The following ARHGEF12 variants were observed in gnomAD, a reference collection of about 807,000 sequenced individuals.
ARHGEF12 encodes Rho guanine nucleotide exchange factor 12.
ARHGEF12 carries 66 observed loss-of-function variants against 211.2 expected under a neutral mutation model. The observed-to-expected ratio is 0.31, with a 90% CI of 0.26 to 0.38. The LOEUF (loss-of-function observed/expected upper bound fraction) is 0.38. ARHGEF12 is among the 10% of genes least tolerant of loss of function. ARHGEF12 has a pLI of 1.00. For missense variants in ARHGEF12, 1,429 were observed against 1,869.5 expected, an observed-to-expected ratio of 0.76 and a Z score of 4.34; for synonymous variants, 592 against 638.4, an observed-to-expected ratio of 0.93 and a Z score of 1.09.
At chr11:120,407,603 T>C in intron 2 of ARHGEF12, 135 bp from the exon 3 acceptor site, 1 of 563,356 alleles carries the variant, frequency 1.8e-6, no homozygotes, top group South Asian at 3.1e-5. Context: ...AAAATGTAAA[T>C]TAGAGAGGCT....
chr11:120,355,177 T>C (rs1015826793), intron 1 of ARHGEF12, among the ~76,000 whole-genome samples: 7 of 152,218 alleles, frequency 4.6e-5, no homozygotes, highest in African/African-American at 1.4e-4. Flanking sequence ...CGGTTCACAG[T>C]TGACAAACAT....
At chr11:120,405,986 A>G in intron 1 of ARHGEF12, 132 bp from the exon 2 acceptor site, 1 of 648,328 alleles carries the variant, frequency 1.5e-6, no homozygotes, top group Non-Finnish European at 2.6e-6. Context: ...CCTCCAGCTT[A>G]TTGATTCTTG....
At chr11:120,448,427 A>T in intron 20 of ARHGEF12, 79 bp downstream of exon 20, 1 of 1,023,262 alleles carries the variant, frequency 9.8e-7, no homozygotes. Flanking sequence ...CCATCATCTT[A>T]GTATTTACTT....
chr11:120,345,340 T>C (rs925826566), intron 1 of ARHGEF12, among the ~76,000 whole-genome samples: 2 of 152,194 alleles, frequency 1.3e-5, no homozygotes, highest in Non-Finnish European at 2.9e-5. Flanking sequence ...TTGAGATTAG[T>C]AACTGTACCA....
chr11:120,374,087 G>A (rs940786735), intron 1 of ARHGEF12, among the ~76,000 whole-genome samples: 7 of 152,112 alleles, frequency 4.6e-5, no homozygotes, highest in South Asian at 2.1e-4. Flanking sequence ...GATTACAGGC[G>A]TGAGCCACCG....
chr11:120,339,979 C>T (rs545770365), intron 1 of ARHGEF12, among the ~76,000 whole-genome samples: 3 of 152,270 alleles, frequency 2.0e-5, no homozygotes, highest in African/African-American at 7.2e-5. Context: ...TAAACTCAAA[C>T]TATGTTCATG....
At chr11:120,475,650 A>G in intron 33 of ARHGEF12, 143 bp downstream of exon 33, 1 of 870,220 alleles carries the variant, frequency 1.1e-6, no homozygotes, top group Non-Finnish European at 1.7e-6. Flanking sequence ...TTTACTGCTT[A>G]GAAAGAGACC....
rs371507639 is a variant in ARHGEF12, at chr11:120,457,171, C to A, written c.2110C>A (p.Pro704Thr). The A allele has an allele frequency of 6.2e-7, 1 of 1,614,056 alleles. No homozygotes were observed. Among genetic ancestry groups the A allele is most frequent in the Non-Finnish European group, 8.5e-7 (1 of 1,179,976 alleles). ...ACCTGGAGACACCTTAGATGGCACACCTCGTACTCTCAATACTGTCTTTGA... is the reference window on the plus strand; with the variant it reads ...ACCTGGAGACACCTTAGATGGCACAACTCGTACTCTCAATACTGTCTTTGA... ...SAPGDTLDGT[P>T]RTLNTVFDFP... The change falls in exon 23 of 41, where the codon CCT becomes ACT. Residue 704 changes from proline (P) to threonine (T), a missense_variant. Transcript: ENST00000397843.
chr11:120,428,445 C>T (rs527350577), intron 8 of ARHGEF12, among the ~76,000 whole-genome samples, 198 bp downstream of exon 8: 15 of 152,218 alleles, frequency 9.9e-5, no homozygotes, highest in Middle Eastern at 6.8e-3. Context: ...GTATTAGACA[C>T]CTGCCATATG....
intron 8 of ARHGEF12, among the ~76,000 whole-genome samples, chr11:120,429,237 G>T (rs1223339977): frequency 1.3e-5 from 2 of 152,200 alleles, no homozygotes; most frequent in African/African-American, 2.4e-5. Flanking sequence ...TAGTAAAAAT[G>T]AAATAGAAGG....
At position 120,477,642 on chromosome 11, in the gene ARHGEF12, A is replaced by G. The variant is rs558850547; in HGVS notation, c.3532+116A>G. On this transcript the variant is annotated intron_variant, in intron 36 of 40. Transcript: ENST00000397843. ...TGCTTTGGGAGGTCGAGATAGGCGT[A>G]TCACCTGAGGCCAGGAGTTAGAGGC... is the stretch of plus-strand genomic sequence containing the variant. 269 of 914,100 alleles carry G rather than the reference A, an allele frequency of 2.9e-4. 1 individual carries two copies. Among genetic ancestry groups the G allele is most frequent in the Non-Finnish European group, 3.0e-5 (18 of 601,964 alleles). 56.6% of individuals were successfully genotyped at this position (914,100 alleles called of 1,614,324 possible).
Position 120,364,816 on chromosome 11 carries a change from A to ATTTTT in ARHGEF12, c.32+27557_32+27561dup, listed in dbSNP as rs59126463. ...AAAAAGACTTCTAGGACATGTACCA[A>ATTTTT]TTTTTTTTTTTTTTTTTTTTGAGCC... On this transcript the variant is annotated intron_variant, in intron 1 of 40. Coordinates refer to ENST00000397843, the MANE Select transcript of ARHGEF12 (RefSeq NM_015313.3). Among the ~76,000 whole-genome samples, 63 of 132,446 alleles carry ATTTTT rather than the reference A, an allele frequency of 4.8e-4. 1 individual carries two copies. The highest frequency in any genetic ancestry group is 1.7e-3 in the African/African-American group (60 of 35,128). The allele number at this position is 132,446 out of a possible 152,430, so 86.9% of individuals were successfully genotyped here. A position where few individuals can be genotyped will look rare whatever the true frequency, so the allele number is the denominator to read the frequency against.
At chr11:120,375,823 C>G (rs1179697410) in intron 1 of ARHGEF12, among the ~76,000 whole-genome samples, 1 of 152,114 alleles carries the variant, frequency 6.6e-6, no homozygotes, top group Non-Finnish European at 1.5e-5. Context: ...TGTTCCTTAG[C>G]CTCCTCTTGG....
intron 1 of ARHGEF12, among the ~76,000 whole-genome samples, chr11:120,371,109 A>C (rs1242696281): frequency 6.6e-6 from 1 of 152,184 alleles, no homozygotes; most frequent in Non-Finnish European, 1.5e-5. Context: ...TTTTTTCCTA[A>C]TTAAAAATTC....
rs1440348464 is a variant in ARHGEF12, at chr11:120,488,859, A to C, written c.*3782A>C. 5.6e-5 allele frequency: 12 copies of C among 213,374 alleles called. No homozygotes were observed. The highest frequency in any genetic ancestry group is 1.1e-4 in the Non-Finnish European group (12 of 105,386). The allele number at this position is 213,374 out of a possible 1,614,324, so 13.2% of individuals were successfully genotyped here. A position where few individuals can be genotyped will look rare whatever the true frequency, so the allele number is the denominator to read the frequency against. On this transcript the variant is annotated 3_prime_UTR_variant, in exon 41 of 41. Transcript: ENST00000397843. ...GATCACATTTTGAAATGCCTAAAAG[A>C]CTTTATTGTTCTAATTATCCAGATG...
intron 22 of ARHGEF12, among the ~76,000 whole-genome samples, chr11:120,453,860 G>A (rs1243406280): frequency 6.6e-6 from 1 of 152,216 alleles, no homozygotes; most frequent in Non-Finnish European, 1.5e-5. Context: ...CATATGTTAT[G>A]CAGTGCAGGA....
chr11:120,359,731 A>G (rs1270099989), intron 1 of ARHGEF12, among the ~76,000 whole-genome samples: 3 of 152,212 alleles, frequency 2.0e-5, no homozygotes, highest in African/African-American at 4.8e-5. Flanking sequence ...GACAGTTAAT[A>G]TAGTATCTTG....
At chr11:120,398,448 G>A (rs565074335) in intron 1 of ARHGEF12, among the ~76,000 whole-genome samples, 101 of 152,262 alleles carry the variant, frequency 6.6e-4, no homozygotes, top group Middle Eastern at 3.4e-3. Flanking sequence ...AGCTTTTGTA[G>A]AAGCCAGTGT....
chr11:120,480,764 T>C (rs1442652794), intron 38 of ARHGEF12, among the ~76,000 whole-genome samples: 1 of 152,056 alleles, frequency 6.6e-6, no homozygotes, highest in Admixed American at 6.5e-5. Flanking sequence ...CGGAGAGTAA[T>C]GAAGGCAAAC....
Sources: allele counts gnomAD v4.1 joint callset (sites outside exome capture counted in the v4.1 genomes callset), GRCh38; gene constraint gnomAD v4.1.1; transcripts MANE v1.5; gene names NCBI Gene and HGNC (gene_info 2026-07-23, HGNC 2026-07-21).